The following PPARGC1A variants were observed in gnomAD, a reference collection of about 807,000 sequenced individuals.
PPARGC1A encodes the protein PPARG coactivator 1 alpha.
PPARGC1A carries 25 observed loss-of-function variants against 88.7 expected under a neutral mutation model. That is an observed-to-expected ratio of 0.28 (90% CI 0.21 to 0.39). PPARGC1A has a LOEUF of 0.39. PPARGC1A is among the 10% of genes least tolerant of loss of function. The pLI is 1.00. For missense variants in PPARGC1A, 880 were observed against 968.7 expected, an observed-to-expected ratio of 0.91 and a Z score of 1.22; for synonymous variants, 363 against 355.6, an observed-to-expected ratio of 1.02 and a Z score of -0.24.
At chr4:24,131,463 G>A in the PPARGC1A span, among the ~76,000 whole-genome samples, 1 of 152,194 alleles carries the variant, frequency 6.6e-6, no homozygotes, top group South Asian at 2.1e-4. Context: ...GAACTCATAT[G>A]TTTGCCAGTG....
At chr4:24,177,794 G>A in the PPARGC1A span, among the ~76,000 whole-genome samples, 3 of 151,984 alleles carry the variant, frequency 2.0e-5, no homozygotes, top group Admixed American at 6.6e-5. Context: ...TGTCTTCAAG[G>A]AATCTACCTT....
chr4:24,400,716 T>C, the PPARGC1A span, among the ~76,000 whole-genome samples: 1 of 152,154 alleles, frequency 6.6e-6, no homozygotes, highest in Non-Finnish European at 1.5e-5. Flanking sequence ...ATGTGAGAAT[T>C]TAATGAGCTG....
At chr4:23,981,334 CA>C in the PPARGC1A span, among the ~76,000 whole-genome samples, 1 of 152,128 alleles carries the variant, frequency 6.6e-6, no homozygotes, top group African/African-American at 2.4e-5. Flanking sequence ...ATAACACATG[CA>C]AAAGAAAAAG....
the PPARGC1A span, among the ~76,000 whole-genome samples, chr4:24,082,534 G>C: frequency 6.6e-6 from 1 of 152,174 alleles, no homozygotes; most frequent in African/African-American, 2.4e-5. Flanking sequence ...GAATTAGATA[G>C]AAAATTGCGG....
At chr4:24,421,722 C>T in the PPARGC1A span, among the ~76,000 whole-genome samples, 2 of 152,184 alleles carry the variant, frequency 1.3e-5, no homozygotes, top group African/African-American at 4.8e-5. Context: ...GCGTACCTGT[C>T]AGCATTCTTT....
At chr4:23,801,666 T>C (rs1718763151) in intron 12 of PPARGC1A, 64 bp downstream of exon 12, 3 of 1,571,578 alleles carry the variant, frequency 1.9e-6, no homozygotes, top group Non-Finnish European at 2.6e-6. Flanking sequence ...CTACGGATTA[T>C]GTTTGTTCCC....
chr4:24,226,451 A>C, the PPARGC1A span, among the ~76,000 whole-genome samples: 1 of 152,218 alleles, frequency 6.6e-6, no homozygotes, highest in African/African-American at 2.4e-5. Flanking sequence ...AAGAGAGGGA[A>C]GGTGGAAAAC....
the PPARGC1A span, among the ~76,000 whole-genome samples, chr4:24,279,571 A>G: frequency 6.6e-6 from 1 of 152,120 alleles, no homozygotes; most frequent in Non-Finnish European, 1.5e-5. Flanking sequence ...AATCAAACAA[A>G]CAAAGAATTC....
the PPARGC1A span, among the ~76,000 whole-genome samples, chr4:24,099,761 C>G: frequency 6.6e-6 from 1 of 151,926 alleles, no homozygotes; most frequent in Non-Finnish European, 1.5e-5. Context: ...TCTCCATTTA[C>G]TCGTAATACC....
At chr4:24,325,666 C>T in the PPARGC1A span, among the ~76,000 whole-genome samples, 2 of 152,204 alleles carry the variant, frequency 1.3e-5, no homozygotes, top group Non-Finnish European at 2.9e-5. Flanking sequence ...CTCGGCTTAG[C>T]GGCTGAAGAC....
chr4:23,929,471 G>A, the PPARGC1A span, among the ~76,000 whole-genome samples: 2 of 152,172 alleles, frequency 1.3e-5, no homozygotes, highest in Admixed American at 1.3e-4. Flanking sequence ...GAATTGCTTG[G>A]AAAAATAAAA....
chr4:23,974,348 G>C, the PPARGC1A span, among the ~76,000 whole-genome samples: 2 of 152,116 alleles, frequency 1.3e-5, no homozygotes, highest in Non-Finnish European at 2.9e-5. Flanking sequence ...CTGAGTGCTT[G>C]CTATATACCA....
the PPARGC1A span, among the ~76,000 whole-genome samples, chr4:24,456,646 T>C: frequency 1.3e-5 from 2 of 151,928 alleles, no homozygotes; most frequent in Non-Finnish European, 2.9e-5. Flanking sequence ...ATTAAGAGCT[T>C]TGAGGTTTTA....
At chr4:24,376,189 T>C in the PPARGC1A span, among the ~76,000 whole-genome samples, 1 of 152,216 alleles carries the variant, frequency 6.6e-6, no homozygotes, top group African/African-American at 2.4e-5. Context: ...TAGTTTCTAA[T>C]GCATTTAGCA....
the PPARGC1A span, among the ~76,000 whole-genome samples, chr4:24,000,533 TA>T: frequency 6.6e-6 from 1 of 151,756 alleles, no homozygotes; most frequent in Non-Finnish European, 1.5e-5. Flanking sequence ...ATGAAGCAGA[TA>T]AATGCAGAAA....
At chr4:23,895,253 GAAACA>G (rs1168374877) in intron 1 of PPARGC1A, among the ~76,000 whole-genome samples, 4 of 149,130 alleles carry the variant, frequency 2.7e-5, no homozygotes, top group Admixed American at 6.7e-5. Context: ...CGATCTTAGA[GAAACA>G]AAACAAAACT....
At chr4:24,322,515 G>A in the PPARGC1A span, among the ~76,000 whole-genome samples, 2 of 152,150 alleles carry the variant, frequency 1.3e-5, no homozygotes, top group Admixed American at 1.3e-4. Context: ...AGTACCTCTT[G>A]GATGTATCTG....
chr4:23,948,275 C>T, the PPARGC1A span, among the ~76,000 whole-genome samples: 1 of 152,246 alleles, frequency 6.6e-6, no homozygotes, highest in East Asian at 1.9e-4. Flanking sequence ...ACCATTGTTC[C>T]TTCCTCTAAA....
At chr4:23,973,846 T>C in the PPARGC1A span, among the ~76,000 whole-genome samples, 4 of 152,224 alleles carry the variant, frequency 2.6e-5, no homozygotes, top group Admixed American at 2.6e-4. Flanking sequence ...GGTGCCAGGA[T>C]GGGTTGGTAA....
Sources: gnomAD v4.1 joint callset for allele counts (sites outside exome capture counted in the v4.1 genomes callset) on GRCh38, gnomAD v4.1.1 for gene constraint, MANE v1.5 for transcripts, NCBI Gene and HGNC (gene_info 2026-07-23, HGNC 2026-07-21) for gene names.